Variants in SF1 observed in about 807,000 individuals in gnomAD.
SF1 encodes branch point-binding protein.
SF1 carries 7 observed loss-of-function variants against 62.5 expected under a neutral mutation model. The ratio of observed to expected loss-of-function variants is 0.11; its 90% CI spans 0.06 to 0.21. SF1 has a LOEUF of 0.21. Among genes scored for constraint, SF1 ranks in the 10% least tolerant of loss-of-function variants. The probability of loss-of-function intolerance (pLI) is 1.00; values close to 1 mark genes in which losing one functional copy is unlikely to be tolerated. For synonymous variants in SF1, 394 were observed against 323.6 expected, an observed-to-expected ratio of 1.22 and a Z score of -2.33; for missense variants, 578 against 884.0, an observed-to-expected ratio of 0.65 and a Z score of 4.39.
Position 64,772,920 on chromosome 11 carries a change from A to G in SF1, c.236+510T>C, listed in dbSNP as rs140728878. The G allele has an allele frequency of 1.2e-3, 1,196 of 986,896 alleles. 3 individuals are homozygous for G. Among genetic ancestry groups the G allele is most frequent in the Non-Finnish European group, 1.3e-3 (1,118 of 830,606 alleles). The allele number at this position is 986,896 out of a possible 1,614,324, so 61.1% of individuals were successfully genotyped here. On this transcript the variant is annotated intron_variant, in intron 3 of 12. Coordinates refer to ENST00000377390, the MANE Select transcript of SF1 (RefSeq NM_004630.4). ...AAGGCTGAAAGTTAACTGGCAGTGAAAGAAGTTGGTTAGAAATCTCATCTG... is the reference window on the plus strand; with the variant it reads ...AAGGCTGAAAGTTAACTGGCAGTGAGAGAAGTTGGTTAGAAATCTCATCTG...
intron 10 of SF1, 68 bp from the exon 11 acceptor site, chr11:64,767,319 T>C (rs1592454548): frequency 1.4e-6 from 2 of 1,449,332 alleles, no homozygotes; most frequent in Non-Finnish European, 1.9e-6. Flanking sequence ...ACCCCTGTGA[T>C]AACCTCAGTT....
chr11:64,767,615 T>G lies in SF1; in HGVS notation c.1298A>C (p.Asn433Thr), dbSNP rs143594338. The change falls in exon 10 of 13, where the codon AAC (asparagine) becomes ACC (threonine). Residue 433 changes from asparagine (N) to threonine (T), a missense_variant. Physicochemically the swap from Asn to Thr is moderately conservative, Grantham distance 65. Coordinates refer to ENST00000377390, the MANE Select transcript of SF1 (RefSeq NM_004630.4). ...GTGCCCAGGAGGGTGGGGGCCCTGGTTCATCGGTGGTGGTGGTGGCTGCAT... is the reference window on the plus strand; with the variant it reads ...GTGCCCAGGAGGGTGGGGGCCCTGGGTCATCGGTGGTGGTGGTGGCTGCAT... ...PWMQPPPPPM[N>T]QGPHPPGHHG... is the part of the protein sequence containing the mutation. 3 of 1,585,398 alleles carry G rather than the reference T, an allele frequency of 1.9e-6. No homozygotes were observed. The highest frequency in any genetic ancestry group is 1.9e-5 in the Admixed American group (1 of 52,950).
At position 64,764,759 on chromosome 11, in the gene SF1, G is replaced by A. The variant is rs950838481; in HGVS notation, c.*1059C>T. On this transcript the variant is annotated 3_prime_UTR_variant, in exon 13 of 13. Transcript: ENST00000377390. ...TTATTGTCAACAGAATCACTTCATG[G>A]AGAGGGAAGCGGGAGGAAAAAGGAA... is the stretch of plus-strand genomic sequence containing the variant. 2 of 152,660 alleles carry A rather than the reference G, an allele frequency of 1.3e-5. No individual in the cohort carries two copies. Among genetic ancestry groups the A allele is most frequent in the Non-Finnish European group, 2.9e-5 (2 of 68,110 alleles). 9.5% of individuals were successfully genotyped at this position (152,660 alleles called of 1,614,324 possible). A position where few individuals can be genotyped will look rare whatever the true frequency, so the allele number is the denominator to read the frequency against.
rs557674776 is a variant in SF1 at position 64,765,229 on chromosome 11, G to A, written c.*589C>T. On this transcript the variant is annotated 3_prime_UTR_variant, in exon 13 of 13. Transcript: ENST00000377390. ...AAGGGAAGGAGAACTGGAGAGAAGG[G>A]AAAGGAATCTAAATTGCAGCAGAAG... 6.5e-6 allele frequency: 3 copies of A among 461,542 alleles called. No individual in the cohort carries two copies. The highest frequency in any genetic ancestry group is 6.0e-4 in the Middle Eastern group (1 of 1,678). 28.6% of individuals were successfully genotyped at this position (461,542 alleles called of 1,614,324 possible).
Position 64,765,450 on chromosome 11 carries a change from AG to A in SF1, c.*367del. 1 of 1,609,054 alleles carries A rather than the reference AG, an allele frequency of 6.2e-7. No homozygotes were observed. Among genetic ancestry groups the A allele is most frequent in the Non-Finnish European group, 8.5e-7 (1 of 1,175,708 alleles). On this transcript the variant is annotated 3_prime_UTR_variant, in exon 13 of 13. Transcript: ENST00000377390. ...GCGTTGCTGAGGCTGTCTGCCTGGA[AG>A]GGTCACCAATGGGCGCGGAAAGTCC...
chr11:64,775,350 T>C (rs1358887908), intron 2 of SF1, among the ~76,000 whole-genome samples: 2 of 152,208 alleles, frequency 1.3e-5, no homozygotes, highest in Non-Finnish European at 2.9e-5. Flanking sequence ...CTAAGTATGC[T>C]TGTGTTCTTG....
At chr11:64,772,114 C>G (rs1047213037) in intron 3 of SF1, 10 of 985,378 alleles carry the variant, frequency 1.0e-5, no homozygotes, top group African/African-American at 1.7e-5. Context: ...AGCTAGTATT[C>G]TAGAGGTTAG....
intron 12 of SF1, chr11:64,766,530 C>G: frequency 2.4e-6 from 1 of 424,046 alleles, no homozygotes; most frequent in South Asian, 3.5e-5. Flanking sequence ...CCTCTGCAGT[C>G]TCTCACCCCA....
chr11:64,766,568 C>T, intron 12 of SF1: 1 of 418,378 alleles, frequency 2.4e-6, no homozygotes, highest in Non-Finnish European at 4.3e-6. Flanking sequence ...AGCAAGCATG[C>T]ACCATCCCAC....
At chr11:64,778,083 G>A (rs1385677922) in intron 1 of SF1, 34 of 964,078 alleles carry the variant, frequency 3.5e-5, no homozygotes, top group Admixed American at 5.8e-5. Context: ...AGCGGCGGCG[G>A]AGGGGGCGGC....
chr11:64,777,407 T>C, intron 1 of SF1: 2 of 729,404 alleles, frequency 2.7e-6, no homozygotes, highest in Non-Finnish European at 3.4e-6. Context: ...CTAAACATAC[T>C]GAACAGATTT....
chr11:64,773,287 A>G, intron 3 of SF1, 143 bp downstream of exon 3: 5 of 1,460,622 alleles, frequency 3.4e-6, no homozygotes, highest in Non-Finnish European at 4.5e-6. Context: ...CATATTTCTA[A>G]TTAAACCTTA....
At chr11:64,767,144 A>C (rs752725297) in intron 11 of SF1, 48 bp downstream of exon 11, 3 of 1,612,176 alleles carry the variant, frequency 1.9e-6, no homozygotes, top group African/African-American at 1.3e-5. Flanking sequence ...CAGAACCCCC[A>C]CTCACCCAAG....
chr11:64,772,074 T>G (rs1938411296), intron 3 of SF1: 1 of 985,312 alleles, frequency 1.0e-6, no homozygotes, highest in Non-Finnish European at 1.2e-6. Context: ...CAGTTTAACC[T>G]CCTCCCAAAT....
chr11:64,766,497 T>C (rs2058680160), intron 12 of SF1: 3 of 459,070 alleles, frequency 6.5e-6, no homozygotes, highest in Admixed American at 4.0e-5. Context: ...CCACAGCTGC[T>C]GTCTCCCCAC....
Position 64,766,091 on chromosome 11 carries a change from C to T in SF1, c.1647G>A (p.Ala549=), listed in dbSNP as rs1035680396. The change falls in exon 13 of 13, where the codon GCG becomes GCA. Residue 549 remains alanine (A), a synonymous_variant. Transcript: ENST00000377390. ...GSIPPWQQQQ[A]AAAASPGAPQ... ...GGGCTCCTGGAGAAGCTGCGGCAGC[C>T]GCCTGCTGCTGTTGCCATGGCGGGA... 3.7e-6 allele frequency: 6 copies of T among 1,611,016 alleles called. No homozygotes were observed. The highest frequency in any genetic ancestry group is 1.3e-5 in the African/African-American group (1 of 74,794).
In SF1 at chr11:64,766,797, G is replaced by A. The variant is rs1050708234; in HGVS notation, c.1582+103C>T. ...TGTTTACAACCCCAGCAGAGCCCAG[G>A]GGCTCATCCCAAGACACCTGCCTGC... On this transcript the variant is annotated intron_variant, in intron 12 of 12. Transcript: ENST00000377390. The A allele has an allele frequency of 1.8e-5, 17 of 944,084 alleles. No homozygotes were observed. In the African/African-American group the frequency reaches 2.5e-4, roughly 14 times the overall value. 58.5% of individuals were successfully genotyped at this position (944,084 alleles called of 1,614,324 possible). A position where few individuals can be genotyped will look rare whatever the true frequency, so the allele number is the denominator to read the frequency against.
Position 64,765,318 on chromosome 11 carries a change from A to G in SF1, c.*500T>C. On this transcript the variant is annotated 3_prime_UTR_variant, in exon 13 of 13. Transcript: ENST00000377390. Reference sequence around the variant, plus strand: ...GGAAAAGATAAAGAAGTAACAAAGGAAAAAGAAAAAAATTAATAAAAATTT... The same window carrying G: ...GGAAAAGATAAAGAAGTAACAAAGGGAAAAGAAAAAAATTAATAAAAATTT... The G allele has an allele frequency of 1.5e-6, 1 of 667,370 alleles. No individual in the cohort carries two copies. The highest frequency in any genetic ancestry group is 2.7e-6 in the Non-Finnish European group (1 of 375,110). The allele number at this position is 667,370 out of a possible 1,614,324, so 41.3% of individuals were successfully genotyped here.
intron 1 of SF1, 143 bp downstream of exon 1, chr11:64,778,219 G>C: frequency 8.7e-7 from 1 of 1,154,684 alleles, no homozygotes; most frequent in Non-Finnish European, 1.1e-6. Flanking sequence ...CCGCGGTCAG[G>C]GCCCCCATCG....
Sources: allele counts gnomAD v4.1 joint callset (sites outside exome capture counted in the v4.1 genomes callset), GRCh38; gene constraint gnomAD v4.1.1; transcripts MANE v1.5; gene names NCBI Gene and HGNC (gene_info 2026-07-23, HGNC 2026-07-21).